Variants in ASB18 observed in about 807,000 individuals in gnomAD.
ASB18 encodes the protein ankyrin repeat and SOCS box protein 18.
In ASB18, 33 loss-of-function variants were observed where a neutral mutation model predicts 33.4. The observed-to-expected ratio is 0.99, with a 90% CI of 0.75 to 1.32. ASB18 has a LOEUF of 1.32. ASB18 is among the 40% of genes most tolerant of loss of function. The probability of loss-of-function intolerance (pLI) is 0.00; values close to 1 mark genes in which losing one functional copy is unlikely to be tolerated. For missense variants in ASB18, 694 were observed against 655.5 expected, an observed-to-expected ratio of 1.06 and a Z score of -0.64; for synonymous variants, 295 against 307.6, an observed-to-expected ratio of 0.96 and a Z score of 0.43.
Position 236,217,482 on chromosome 2 carries a change from C to G in ASB18, c.597-2616G>C, listed in dbSNP as rs528742082. ...GTAGAAATGGAGGCTTTGTTTATCT[C>G]TGATTCCCAGTGCCTATCATAGTGC... On this transcript the variant is annotated intron_variant, in intron 3 of 5. Transcript: ENST00000409749. This position sits in a 1 kb window ranked among gnomAD's most constrained non-coding sequence, Gnocchi z 5.2. Among the ~76,000 whole-genome samples the G allele has an allele frequency of 1.4e-4, 22 of 152,108 alleles. No homozygotes were observed. Among genetic ancestry groups the G allele is most frequent in the African/African-American group, 4.8e-4 (20 of 41,446 alleles).
At position 236,244,735 on chromosome 2, in the gene ASB18, C is replaced by T. The variant is rs2060636510; in HGVS notation, c.206-3333G>A. ...CCCCTTTCACCAAGATCTTCTATAA[C>T]TAAGGAGTGCTCAGCAAAGGGAGAC... On this transcript the variant is annotated intron_variant, in intron 1 of 5. Coordinates refer to ENST00000409749, the MANE Select transcript of ASB18 (RefSeq NM_212556.4). The surrounding 1 kb of genome is among the most constrained non-coding windows in gnomAD (Gnocchi z 6.1). Among the ~76,000 whole-genome samples the T allele has an allele frequency of 2.0e-5, 3 of 152,246 alleles. No homozygotes were observed. The South Asian group carries it at 6.2e-4, about 32-fold the overall frequency.
rs2060662882 is a variant in ASB18 at position 236,250,197 on chromosome 2, C to A, written c.206-8795G>T. The A allele has an allele frequency of 6.6e-6, 1 of 152,342 alleles. No individual in the cohort carries two copies. The highest frequency in any genetic ancestry group is 1.9e-4 in the East Asian group (1 of 5,178). 9.4% of individuals were successfully genotyped at this position (152,342 alleles called of 1,614,324 possible). ...TGCCATTGAGTTGACTAGTGATTTT[C>A]TTTTCCCCAGAAGCCTCCAAGGATT... On this transcript the variant is annotated intron_variant, in intron 1 of 5. Coordinates refer to ENST00000409749, the MANE Select transcript of ASB18 (RefSeq NM_212556.4). The surrounding 1 kb of genome is among the most constrained non-coding windows in gnomAD (Gnocchi z 4.1).
At chr2:236,224,327 T>G (rs2106273428) in intron 3 of ASB18, among the ~76,000 whole-genome samples, 2 of 152,236 alleles carry the variant, frequency 1.3e-5, no homozygotes, top group South Asian at 4.2e-4. Flanking sequence ...CATTTGTATG[T>G]TGTTCATAAA....
Position 236,264,074 on chromosome 2 carries a change from G to A in ASB18, c.205+67C>T, listed in dbSNP as rs2060734125. The A allele has an allele frequency of 6.3e-6, 9 of 1,434,928 alleles. No individual in the cohort carries two copies. Among genetic ancestry groups the A allele is most frequent in the Non-Finnish European group, 8.7e-6 (9 of 1,032,458 alleles). 88.9% of individuals were successfully genotyped at this position (1,434,928 alleles called of 1,614,324 possible). A position where few individuals can be genotyped will look rare whatever the true frequency, so the allele number is the denominator to read the frequency against. On this transcript the variant is annotated intron_variant, in intron 1 of 5. Transcript: ENST00000409749. This position sits in a 1 kb window ranked among gnomAD's most constrained non-coding sequence, Gnocchi z 5.1. ...CAAACATTTGCCCCTCTACCTCCAG[G>A]ATCTGCCCACCCCATCAGTGTAACT...
chr2:236,262,815 A>C lies in ASB18; in HGVS notation c.205+1326T>G, dbSNP rs1002620355. The stretch of plus-strand genomic sequence containing the variant: ...ACCAAGGTGAAGAGGAAGCAAGAGA[A>C]GGTTCCTCCCTAAAGCGACTTGCTT... On this transcript the variant is annotated intron_variant, in intron 1 of 5. Coordinates refer to ENST00000409749, the MANE Select transcript of ASB18 (RefSeq NM_212556.4). This position sits in a 1 kb window ranked among gnomAD's most constrained non-coding sequence, Gnocchi z 5.2. Among the ~76,000 whole-genome samples, 34 of 152,256 alleles carry C rather than the reference A, an allele frequency of 2.2e-4. No individual in the cohort carries two copies. Among genetic ancestry groups the C allele is most frequent in the African/African-American group, 8.2e-4 (34 of 41,558 alleles).
At position 236,225,963 on chromosome 2, in the gene ASB18, A is replaced by AC. The variant is rs561455196; in HGVS notation, c.597-11098dup. ...GAATGGCTCTGTATGTAGGTCAGCG[A>AC]CCCCCTCTCTACTGTGAGGTAAAAA... On this transcript the variant is annotated intron_variant, in intron 3 of 5. Coordinates refer to ENST00000409749, the MANE Select transcript of ASB18 (RefSeq NM_212556.4). The surrounding 1 kb of genome is among the most constrained non-coding windows in gnomAD (Gnocchi z 5.1). 3.3e-3 allele frequency among the ~76,000 whole-genome samples: 499 copies of AC among 151,990 alleles called. 1 individual carries two copies. The highest frequency in any genetic ancestry group is 0.011 in the African/African-American group (475 of 41,424).
In ASB18 at chr2:236,214,462, A is replaced by T. The variant is rs2060475278; in HGVS notation, c.1001T>A (p.Leu334His). The part of the protein sequence containing the change: ...YGGASPLGRV[L>H]QTASCALQAS... ...CTGGAGAGCGCAGGATGCGGTCTGG[A>T]GCACGCGGCCCAGCGGCGAGGCCCC... Residue 334 changes from leucine (L) to histidine (H), a missense_variant, in exon 4 of 6, where the codon CTC becomes CAC. Physicochemically the swap from Leu to His is moderately conservative, Grantham distance 99 (BLOSUM62 -3). Transcript: ENST00000409749. This position sits in a 1 kb window ranked among gnomAD's most constrained non-coding sequence, Gnocchi z 6.5. The T allele has an allele frequency of 2.6e-6, 4 of 1,525,752 alleles. No individual in the cohort carries two copies. The highest frequency in any genetic ancestry group is 2.0e-4 in the Middle Eastern group (1 of 4,992). 94.5% of individuals were successfully genotyped at this position (1,525,752 alleles called of 1,614,324 possible).
Position 236,256,778 on chromosome 2 carries a change from C to T in ASB18, c.205+7363G>A, listed in dbSNP as rs562225736. On this transcript the variant is annotated intron_variant, in intron 1 of 5. Coordinates refer to ENST00000409749, the MANE Select transcript of ASB18 (RefSeq NM_212556.4). The surrounding 1 kb of genome is among the most constrained non-coding windows in gnomAD (Gnocchi z 4.7). ...TTCATACTTGGGGGGAGCTGAGACG[C>T]GACCCTGTAGGATTTTTTTTCTTGT... Among the ~76,000 whole-genome samples the T allele has an allele frequency of 3.9e-5, 6 of 152,272 alleles. No homozygotes were observed. The highest frequency in any genetic ancestry group is 1.3e-4 in the Admixed American group (2 of 15,296).
Position 236,262,231 on chromosome 2 carries a change from AG to A in ASB18, c.205+1909del, listed in dbSNP as rs1371937870. On this transcript the variant is annotated intron_variant, in intron 1 of 5. Transcript: ENST00000409749. This position sits in a 1 kb window ranked among gnomAD's most constrained non-coding sequence, Gnocchi z 5.2. ...TCAACCGGCTGGGACTGGTTTATGA[AG>A]GAAGAGCTGTTGAGAGGACGCTTGC... Among the ~76,000 whole-genome samples the A allele has an allele frequency of 6.6e-6, 1 of 152,236 alleles. No individual in the cohort carries two copies. Among genetic ancestry groups the A allele is most frequent in the African/African-American group, 2.4e-5 (1 of 41,476 alleles).
rs934203069 is a variant in ASB18, at chr2:236,219,459, G to A, written c.597-4593C>T. On this transcript the variant is annotated intron_variant, in intron 3 of 5. Coordinates refer to ENST00000409749, the MANE Select transcript of ASB18 (RefSeq NM_212556.4). This position sits in a 1 kb window ranked among gnomAD's most constrained non-coding sequence, Gnocchi z 6.4. ...TTAGGTATAAGCAGCATTTTGGAACGTATGTATGGCAATGCCCATGAGAAG... is the reference window on the plus strand; with the variant it reads ...TTAGGTATAAGCAGCATTTTGGAACATATGTATGGCAATGCCCATGAGAAG... Among the ~76,000 whole-genome samples the A allele has an allele frequency of 5.3e-5, 8 of 152,158 alleles. No homozygotes were observed. Among genetic ancestry groups the A allele is most frequent in the African/African-American group, 1.2e-4 (5 of 41,422 alleles).
In ASB18 at chr2:236,196,318, C is replaced by T; in HGVS notation, c.1169G>A (p.Cys390Tyr). The T allele has an allele frequency of 6.4e-7, 1 of 1,565,870 alleles. No individual in the cohort carries two copies. The highest frequency in any genetic ancestry group is 8.7e-7 in the Non-Finnish European group (1 of 1,154,528). Residue 390 changes from cysteine (C) to tyrosine (Y), a missense_variant, in exon 5 of 6, where the codon TGC (cysteine) becomes TAC (tyrosine). Physicochemically the swap from Cys to Tyr is radical, Grantham distance 194. Transcript: ENST00000409749. This position sits in a 1 kb window ranked among gnomAD's most constrained non-coding sequence, Gnocchi z 5.6. ...EVLFNSYPQL[C>Y]LSESWKEVIP... ...CACTTCCTTCCAGGACTCTGACAAG[C>T]AGAGCTGAGGGTAGGAGTTGAAAAG...
At position 236,231,503 on chromosome 2, in the gene ASB18, A is replaced by T. The variant is rs902692598; in HGVS notation, c.596+6186T>A. 6.6e-6 allele frequency among the ~76,000 whole-genome samples: 1 copy of T among 151,980 alleles called. No individual in the cohort carries two copies. Among genetic ancestry groups the T allele is most frequent in the African/African-American group, 2.4e-5 (1 of 41,386 alleles). ...ACAATGCCATCTTGGAAGCAACACA[A>T]TGCCATCTTGGAAGCAGAGAACATG... On this transcript the variant is annotated intron_variant, in intron 3 of 5. Transcript: ENST00000409749. This position sits in a 1 kb window ranked among gnomAD's most constrained non-coding sequence, Gnocchi z 5.5.
Position 236,253,247 on chromosome 2 carries a change from G to C in ASB18, c.205+10894C>G, listed in dbSNP as rs151118551. ...TGTGCAAACGCCAGGAAGGGACTGC[G>C]GACTGAGGTGTTGTGGAGATGTGGC... On this transcript the variant is annotated intron_variant, in intron 1 of 5. Transcript: ENST00000409749. The surrounding 1 kb of genome is among the most constrained non-coding windows in gnomAD (Gnocchi z 5.4). Among the ~76,000 whole-genome samples, 1 of 152,218 alleles carries C rather than the reference G, an allele frequency of 6.6e-6. No individual in the cohort carries two copies. The highest frequency in any genetic ancestry group is 2.4e-5 in the African/African-American group (1 of 41,452).
At chr2:236,233,501 G>GT (rs1177357117) in intron 3 of ASB18, among the ~76,000 whole-genome samples, 3 of 152,026 alleles carry the variant, frequency 2.0e-5, no homozygotes, top group African/African-American at 7.2e-5. Context: ...GTATTTATTT[G>GT]TAGACGACAT....
At chr2:236,197,434 G>A (rs1332483201) in intron 4 of ASB18, among the ~76,000 whole-genome samples, 3 of 152,206 alleles carry the variant, frequency 2.0e-5, no homozygotes, top group Admixed American at 1.3e-4. Flanking sequence ...TATTTGTCCT[G>A]TAGCATTTCT....
chr2:236,217,518 A>T lies in ASB18; in HGVS notation c.597-2652T>A, dbSNP rs2060493667. On this transcript the variant is annotated intron_variant, in intron 3 of 5. Coordinates refer to ENST00000409749, the MANE Select transcript of ASB18 (RefSeq NM_212556.4). This position sits in a 1 kb window ranked among gnomAD's most constrained non-coding sequence, Gnocchi z 5.2. The stretch of plus-strand genomic sequence containing the variant: ...TGCCTATCATAGTGCCTATCACACT[A>T]TTGGTATTCCCTAAAAACATATTGA... 6.6e-6 allele frequency among the ~76,000 whole-genome samples: 1 copy of T among 152,166 alleles called. No individual in the cohort carries two copies. The highest frequency in any genetic ancestry group is 2.4e-5 in the African/African-American group (1 of 41,456).
At chr2:236,247,985 G>C (rs1029267997) in intron 1 of ASB18, 3 of 152,162 alleles carry the variant, frequency 2.0e-5, no homozygotes, top group South Asian at 4.1e-4. Context: ...AACACGTCAG[G>C]GTGGACTAGA....
At chr2:236,206,447 C>G (rs1046889597) in intron 4 of ASB18, among the ~76,000 whole-genome samples, 2 of 152,100 alleles carry the variant, frequency 1.3e-5, no homozygotes, top group Non-Finnish European at 2.9e-5. Flanking sequence ...ATCTTGTGAC[C>G]ATGAGGGAGG....
In ASB18 at chr2:236,255,014, G is replaced by A. The variant is rs1210667236; in HGVS notation, c.205+9127C>T. On this transcript the variant is annotated intron_variant, in intron 1 of 5. Coordinates refer to ENST00000409749, the MANE Select transcript of ASB18 (RefSeq NM_212556.4). The surrounding 1 kb of genome is among the most constrained non-coding windows in gnomAD (Gnocchi z 4.4). The stretch of plus-strand genomic sequence containing the variant: ...TTCTCCTGCTCCTGCCCTGTAAGCT[G>A]CCTGCTCCCCATTTGCGTTCCGCCG... Among the ~76,000 whole-genome samples the A allele has an allele frequency of 6.6e-6, 1 of 152,158 alleles. No individual in the cohort carries two copies. Among genetic ancestry groups the A allele is most frequent in the Non-Finnish European group, 1.5e-5 (1 of 68,032 alleles).
Sources: gnomAD v4.1 joint callset for allele counts (sites outside exome capture counted in the v4.1 genomes callset) on GRCh38, gnomAD v4.1.1 for gene constraint, Gnocchi (gnomAD v3.1) non-coding constraint, MANE v1.5 for transcripts, NCBI Gene and HGNC (gene_info 2026-07-23, HGNC 2026-07-21) for gene names.